RPTN: variants seen among roughly 807,000 people sequenced by gnomAD.
RPTN encodes intermediate filament-associated protein.
RPTN carries 4 observed loss-of-function variants against 3.6 expected under a neutral mutation model. The observed-to-expected ratio is 1.12, with a 90% CI of 0.55 to 2.55. The LOEUF (loss-of-function observed/expected upper bound fraction) is 2.55. Among genes scored for constraint, RPTN ranks in the 30% most tolerant of loss-of-function variants. The pLI is 0.02. For synonymous variants in RPTN, 293 were observed against 319.3 expected (o/e 0.92, Z 0.88); for missense variants, 860 against 916.7 (o/e 0.94, Z 0.80).
rs779152895 is a variant in RPTN, at chr1:152,155,420, C to T, written c.1679G>A (p.Gly560Asp). ...TDRQGQSSHY[G>D]QTDRQGQSYH... The stretch of plus-strand genomic sequence containing the variant: ...GCTCTGGCCTTGTCTGTCTGTCTGA[C>T]CGTAGTGGGAACTCTGGCCTTGTCT... The change falls in exon 3 of 3, where the codon GGT (glycine) becomes GAT (aspartate). Residue 560 changes from glycine to aspartate, a missense_variant. Gly to Asp is a moderately conservative substitution (Grantham distance 94, BLOSUM62 -1). Transcript: ENST00000316073. The T allele has an allele frequency of 3.8e-5, 62 of 1,613,644 alleles. No individual in the cohort carries two copies. Among genetic ancestry groups the T allele is most frequent in the Middle Eastern group, 1.6e-4 (1 of 6,084 alleles).
chr1:152,158,289 T>C (rs1369778280), intron 1 of RPTN, among the ~76,000 whole-genome samples: 3 of 152,148 alleles, frequency 2.0e-5, no homozygotes, highest in Non-Finnish European at 2.9e-5. Context: ...TAGTAGGGCA[T>C]AATTTTCGAC....
intron 1 of RPTN, among the ~76,000 whole-genome samples, 171 bp downstream of exon 1, chr1:152,159,013 T>C (rs1252845445): frequency 2.0e-5 from 3 of 152,158 alleles, no homozygotes; most frequent in Non-Finnish European, 4.4e-5. Context: ...GACACAGAAG[T>C]AGTCCACCCC....
intron 2 of RPTN, among the ~76,000 whole-genome samples, chr1:152,157,310 G>A (rs767575716): frequency 9.2e-5 from 14 of 152,176 alleles, no homozygotes; most frequent in Non-Finnish European, 1.3e-4. Flanking sequence ...GAGGGAGGGG[G>A]AGCTGATTTT....
Position 152,157,789 on chromosome 1 carries a change from T to C in RPTN, c.101A>G (p.Lys34Arg), listed in dbSNP as rs1262046340. 1.2e-6 allele frequency: 2 copies of C among 1,614,060 alleles called. No homozygotes were observed. The highest frequency in any genetic ancestry group is 3.3e-5 in the Admixed American group (2 of 60,014). ...TCCAAACTCAGCCAAGAGCAGTTGT[T>C]TCAACTCTTCCTTGCATAGTAAGGC... ...DCALLCKEEL[K>R]QLLLAEFGDI... Residue 34 changes from lysine to arginine, a missense_variant, in exon 2 of 3, where the codon AAA becomes AGA. Transcript: ENST00000316073.
At chr1:152,157,558 GGTGTGTGT>G (rs58634415) in intron 2 of RPTN, among the ~76,000 whole-genome samples, 186 bp downstream of exon 2, 53 of 139,634 alleles carry the variant, frequency 3.8e-4, no homozygotes, top group Non-Finnish European at 5.6e-4. Context: ...GATACAAGGA[GGTGTGTGT>G]GTGTGTGTGT....
Position 152,157,876 on chromosome 1 carries a change from A to T in RPTN, c.14T>A (p.Leu5Gln). Residue 5 changes from leucine (L) to glutamine (Q), a missense_variant, in exon 2 of 3, where the codon CTG becomes CAG. By Grantham distance (113) the Leu-to-Gln change is moderately radical. Coordinates refer to ENST00000316073, the MANE Select transcript of RPTN (RefSeq NM_001122965.1). Reference protein sequence around the residue: MAQLLNSILSVIDVF... With the variant: MAQLQNSILSVIDVF... ...GTCAATCACACTGAGTATGCTATTC[A>T]GGAGTTGAGCCATTTTGACAAGTAC... The T allele has an allele frequency of 6.2e-7, 1 of 1,613,838 alleles. No homozygotes were observed.
rs1371341741 is a variant in RPTN, at chr1:152,155,231, G to A, written c.1868C>T (p.Thr623Ile). The change falls in exon 3 of 3, where the codon ACT becomes ATT. Residue 623 changes from threonine (T) to isoleucine (I), a missense_variant. Physicochemically the swap from Thr to Ile is moderately conservative, Grantham distance 89. Coordinates refer to ENST00000316073, the MANE Select transcript of RPTN (RefSeq NM_001122965.1). The stretch of plus-strand genomic sequence containing the variant: ...GTTTTGGTACCCTTCCTGTCCTGGA[G>A]TCTGTTGACTTAGCCTCCCTGATCT... ...SGRSGRLSQQ[T>I]PGQEGYQNQG... 1.9e-6 allele frequency: 3 copies of A among 1,614,234 alleles called. No individual in the cohort carries two copies. The Admixed American group carries it at 5.0e-5, about 27-fold the overall frequency.
At position 152,157,915 on chromosome 1, in the gene RPTN, A is replaced by G. The variant is rs1400835628; in HGVS notation, c.-20-6T>C. On this transcript the variant is annotated splice_region_variant and splice_polypyrimidine_tract_variant and intron_variant, in intron 1 of 2. Transcript: ENST00000316073. ...TTTGACAAGTACGGGTGAACCTAAA[A>G]GAAGAAACAAGATTTCTCCTGCCGT... The G allele has an allele frequency of 6.2e-7, 1 of 1,612,248 alleles. No homozygotes were observed. The highest frequency in any genetic ancestry group is 8.5e-7 in the Non-Finnish European group (1 of 1,178,842).
At position 152,156,767 on chromosome 1, in the gene RPTN, C is replaced by T. The variant is rs758667347; in HGVS notation, c.332G>A (p.Cys111Tyr). ...TCTGCCTGTGTTTCCTGGGAACTTA[C>T]AGTCTTGTGCTCCTTCCTGCCCCCT... The part of the protein sequence containing the change: ...QERGQEGAQD[C>Y]KFPGNTGRQH... Residue 111 changes from cysteine (C) to tyrosine (Y), a missense_variant, in exon 3 of 3, where the codon TGT (cysteine) becomes TAT (tyrosine). By Grantham distance (194) the Cys-to-Tyr change is radical. Coordinates refer to ENST00000316073, the MANE Select transcript of RPTN (RefSeq NM_001122965.1). The T allele has an allele frequency of 5.0e-6, 8 of 1,614,218 alleles. No individual in the cohort carries two copies. In the East Asian group the frequency reaches 1.3e-4, roughly 27 times the overall value.
Position 152,158,064 on chromosome 1 carries a change from G to A in RPTN, c.-20-155C>T, listed in dbSNP as rs187185911. Among the ~76,000 whole-genome samples, 8 of 152,150 alleles carry A rather than the reference G, an allele frequency of 5.3e-5. No individual in the cohort carries two copies. The East Asian group carries it at 7.7e-4, about 15-fold the overall frequency. ...CCCTTCCTTGCCCTGACTCACAGTC[G>A]GGGACCAAATCTCATTGCTATAGTG... On this transcript the variant is annotated intron_variant, in intron 1 of 2. Transcript: ENST00000316073.
rs1418852939 is a variant in RPTN, at chr1:152,155,361, T to C, written c.1738A>G (p.Ser580Gly). The C allele has an allele frequency of 6.2e-7, 1 of 1,614,188 alleles. No individual in the cohort carries two copies. Among genetic ancestry groups the C allele is most frequent in the Non-Finnish European group, 8.5e-7 (1 of 1,180,004 alleles). ...GTCTGTGATTGAATATAGTGGGAAC[T>C]CTGGCCTTGTCTGTCTGTCTGACCA... ...HYGQTDRQGQ[S>G]SHYIQSQTGE... The change falls in exon 3 of 3, where the codon AGT (serine) becomes GGT (glycine). Residue 580 changes from serine (S) to glycine (G), a missense_variant. Ser to Gly is a moderately conservative substitution (Grantham distance 56). Transcript: ENST00000316073.
rs1234793589 is a variant in RPTN at position 152,154,807 on chromosome 1, GTC to G, written c.2290_2291del (p.Asp764GlnfsTer13). ...HQRRDRQTHE[D>X]KQNRQRRDRQ... Reference sequence around the variant, plus strand: ...TGTCTCGTCTCTGACGGTTCTGCTTGTCTTCATGGGTTTGCCTGTCTCGTCTC... The same window carrying G: ...TGTCTCGTCTCTGACGGTTCTGCTTGTTCATGGGTTTGCCTGTCTCGTCTC... On this transcript the variant is annotated frameshift_variant, in exon 3 of 3. Coordinates refer to ENST00000316073, the MANE Select transcript of RPTN (RefSeq NM_001122965.1). LOFTEE classifies it low-confidence loss of function (END_TRUNC). 1 of 1,613,606 alleles carries G rather than the reference GTC, an allele frequency of 6.2e-7. No homozygotes were observed. The highest frequency in any genetic ancestry group is 2.2e-5 in the East Asian group (1 of 44,820).
At position 152,155,079 on chromosome 1, in the gene RPTN, G is replaced by C. The variant is rs1310396408; in HGVS notation, c.2020C>G (p.His674Asp). 1 of 1,614,140 alleles carries C rather than the reference G, an allele frequency of 6.2e-7. No individual in the cohort carries two copies. The highest frequency in any genetic ancestry group is 2.2e-5 in the East Asian group (1 of 44,868). ...AQIQQERPLC[H>D]KGRDWQSCSS... ...CATGATTGCCAGTCTCTCCCTTTGT[G>C]ACAAAGTGGTCTTTCTTGTTGGATT... The change falls in exon 3 of 3, where the codon CAC becomes GAC. Residue 674 changes from histidine (H) to aspartate (D), a missense_variant. His to Asp is a moderately conservative substitution (Grantham distance 81). Transcript: ENST00000316073.
rs1572171898 is a variant in RPTN, at chr1:152,154,055, A to G, written c.*689T>C. On this transcript the variant is annotated 3_prime_UTR_variant, in exon 3 of 3. Transcript: ENST00000316073. Reference sequence around the variant, plus strand: ...TGGATGTAATGTAAATCTTCAGAATATCTTTTCTGTTTCTGAACTTTAGGG... The same window carrying G: ...TGGATGTAATGTAAATCTTCAGAATGTCTTTTCTGTTTCTGAACTTTAGGG... 1 of 152,546 alleles carries G rather than the reference A, an allele frequency of 6.6e-6. No homozygotes were observed. The highest frequency in any genetic ancestry group is 6.5e-5 in the Admixed American group (1 of 15,308). The allele number at this position is 152,546 out of a possible 1,614,324, so 9.4% of individuals were successfully genotyped here.
rs1341272704 is a variant in RPTN, at chr1:152,154,989, A to T, written c.2110T>A (p.Trp704Arg). ...RQSHGEGLSH[W>R]AEEEQGHQTW... ...TGATGGCCCTGCTCTTCCTCTGCCC[A>T]GTGGCTCAGCCCCTCACCATGACTC... The change falls in exon 3 of 3, where the codon TGG (tryptophan) becomes AGG (arginine). Residue 704 changes from tryptophan to arginine, a missense_variant. Trp to Arg is a moderately radical substitution (Grantham distance 101). Coordinates refer to ENST00000316073, the MANE Select transcript of RPTN (RefSeq NM_001122965.1). The T allele has an allele frequency of 1.2e-6, 2 of 1,613,720 alleles. No homozygotes were observed. The highest frequency in any genetic ancestry group is 2.7e-5 in the African/African-American group (2 of 74,972).
rs910063765 is a variant in RPTN at position 152,155,173 on chromosome 1, C to G, written c.1926G>C (p.Gln642His). 2.5e-6 allele frequency: 4 copies of G among 1,614,088 alleles called. No individual in the cohort carries two copies. In the African/African-American group the frequency reaches 4.0e-5, roughly 16 times the overall value. Residue 642 changes from glutamine to histidine, a missense_variant, in exon 3 of 3, where the codon CAG becomes CAC. Gln to His is a conservative substitution (Grantham distance 24). Transcript: ENST00000316073. Reference sequence around the variant, plus strand: ...GCTCCCATACCTGGTGGCCGTTCTGCTGTGAGTCCCTAGACTGGAATCCCT... The same window carrying G: ...GCTCCCATACCTGGTGGCCGTTCTGGTGTGAGTCCCTAGACTGGAATCCCT... ...QGQGFQSRDS[Q>H]QNGHQVWEPE...
Position 152,156,906 on chromosome 1 carries a change from G to A in RPTN, c.193C>T (p.Arg65Ter), listed in dbSNP as rs777612155. 5 of 1,614,072 alleles carry A rather than the reference G, an allele frequency of 3.1e-6. No individual in the cohort carries two copies. The highest frequency in any genetic ancestry group is 1.6e-4 in the Middle Eastern group (1 of 6,062). Residue 65 changes from arginine to a stop codon, truncating the protein, a stop_gained, in exon 3 of 3, where the codon CGA becomes TGA. Coordinates refer to ENST00000316073, the MANE Select transcript of RPTN (RefSeq NM_001122965.1). LOFTEE classifies it low-confidence loss of function (END_TRUNC). ...ETILNLLDQD[R>*]DGHIDFHEYL... ...TCATGAAAATCAATATGTCCATCTC[G>A]GTCTTGATCTAAGAGGTTCAAGATG... is the stretch of plus-strand genomic sequence containing the variant.
At chr1:152,157,605 G>A (rs1659231370) in intron 2 of RPTN, 147 bp downstream of exon 2, 1 of 546,562 alleles carries the variant, frequency 1.8e-6, no homozygotes, top group East Asian at 3.4e-5. Context: ...GTGTGTGTAT[G>A]CTGGGAGAGA....
chr1:152,155,513 T>C lies in RPTN; in HGVS notation c.1586A>G (p.Gln529Arg), dbSNP rs184733131. 1.4e-3 allele frequency: 2,317 copies of C among 1,609,172 alleles called. 19 individuals carry two copies. The highest frequency in any genetic ancestry group is 0.011 in the Admixed American group (673 of 59,258). The change falls in exon 3 of 3, where the codon CAA becomes CGA. Residue 529 changes from glutamine (Q) to arginine (R), a missense_variant. By Grantham distance (43) the Gln-to-Arg change is conservative. Coordinates refer to ENST00000316073, the MANE Select transcript of RPTN (RefSeq NM_001122965.1). ...CTGACTGTAGTGGGAACTCTGGCCT[T>C]GTCTGTCTGGCTGACCATAGTGGAA... ...QSFHYGQPDR[Q>R]GQSSHYSQMD...
Sources: gnomAD v4.1 joint callset for allele counts (sites outside exome capture counted in the v4.1 genomes callset) on GRCh38, gnomAD v4.1.1 for gene constraint, MANE v1.5 for transcripts, NCBI Gene and HGNC (gene_info 2026-07-23, HGNC 2026-07-21) for gene names.